PRSS21: variants seen among roughly 807,000 people sequenced by gnomAD.
The protein encoded by PRSS21 is serine protease 21, also known as testisin.
In PRSS21, 40 loss-of-function variants were observed where a neutral mutation model predicts 31.1. That is an observed-to-expected ratio of 1.29 (90% CI 1.00 to 1.68). The LOEUF (loss-of-function observed/expected upper bound fraction) is 1.68. Ranked by LOEUF, PRSS21 falls within the 40% of genes most tolerant of loss-of-function variation. The pLI is 0.00. For missense variants in PRSS21, 467 were observed against 412.6 expected, an observed-to-expected ratio of 1.13 and a Z score of -1.14; for synonymous variants, 186 against 167.7, an observed-to-expected ratio of 1.11 and a Z score of -0.84.
Position 2,817,270 on chromosome 16 carries a change from TG to T in PRSS21, c.5del (p.Gly2?). On this transcript the variant is annotated frameshift_variant and start_lost, in exon 1 of 6. Transcript: ENST00000005995. LOFTEE classifies it high-confidence loss of function. The surrounding 1 kb of genome is among the most constrained non-coding windows in gnomAD (Gnocchi z 4.2). Reference sequence around the variant, plus strand: ...CGTCAGGCCGCGGGAGAGGAGGCCATGGGCGCGCGCGGGGCGCTGCTGCTGG... The same window carrying T: ...CGTCAGGCCGCGGGAGAGGAGGCCATGGCGCGCGCGGGGCGCTGCTGCTGG... [M>X]GARGALLLAL... 1.3e-6 allele frequency: 2 copies of T among 1,531,152 alleles called. No individual in the cohort carries two copies. Among genetic ancestry groups the T allele is most frequent in the Non-Finnish European group, 1.7e-6 (2 of 1,143,100 alleles). 94.8% of individuals were successfully genotyped at this position (1,531,152 alleles called of 1,614,324 possible). A position where few individuals can be genotyped will look rare whatever the true frequency, so the allele number is the denominator to read the frequency against.
Position 2,821,637 on chromosome 16 carries a change from T to G in PRSS21, c.*32T>G, listed in dbSNP as rs2069181369. ...CTGAGCCCATGCAGCCTGGGGCCACTGCCAAGTCAGGCCCTGGTTCTCTTC... is the reference window on the plus strand; with the variant it reads ...CTGAGCCCATGCAGCCTGGGGCCACGGCCAAGTCAGGCCCTGGTTCTCTTC... On this transcript the variant is annotated 3_prime_UTR_variant, in exon 6 of 6. Coordinates refer to ENST00000005995, the MANE Select transcript of PRSS21 (RefSeq NM_006799.4). 1 of 1,596,752 alleles carries G rather than the reference T, an allele frequency of 6.3e-7. No individual in the cohort carries two copies. Among genetic ancestry groups the G allele is most frequent in the Non-Finnish European group, 8.5e-7 (1 of 1,170,774 alleles).
In PRSS21 at chr16:2,817,394, T is replaced by C. The variant is rs762068101; in HGVS notation, c.65-36T>C. On this transcript the variant is annotated intron_variant, in intron 1 of 5. Transcript: ENST00000005995. This position sits in a 1 kb window ranked among gnomAD's most constrained non-coding sequence, Gnocchi z 4.2. Reference sequence around the variant, plus strand: ...GGGGAGCGGTGGGGAGGACGGGAGGTGGAGGCCGCGGGGAGTCACTTCTTG... The same window carrying C: ...GGGGAGCGGTGGGGAGGACGGGAGGCGGAGGCCGCGGGGAGTCACTTCTTG... 3.8e-6 allele frequency: 6 copies of C among 1,577,068 alleles called. No homozygotes were observed. The highest frequency in any genetic ancestry group is 1.7e-5 in the Admixed American group (1 of 58,148).
intron 4 of PRSS21, among the ~76,000 whole-genome samples, chr16:2,820,353 G>A (rs775244865): frequency 2.7e-4 from 41 of 152,348 alleles, no homozygotes; most frequent in Non-Finnish European, 3.2e-4. Flanking sequence ...ACAAGGTGCT[G>A]GCTGGCACTC....
At chr16:2,819,023 C>A in intron 4 of PRSS21, 54 bp downstream of exon 4, 1 of 1,585,308 alleles carries the variant, frequency 6.3e-7, no homozygotes, top group Non-Finnish European at 8.6e-7. Flanking sequence ...CACCTGTTCC[C>A]CTGCATAGGC....
chr16:2,819,061 T>G, intron 4 of PRSS21, 92 bp downstream of exon 4: 1 of 1,390,248 alleles, frequency 7.2e-7, no homozygotes, highest in Non-Finnish European at 9.9e-7. Context: ...GGTCTGGGGG[T>G]GCAGGCTATG....
chr16:2,818,866 C>A lies in PRSS21; in HGVS notation c.447C>A (p.Tyr149Ter), dbSNP rs2069125242. The A allele has an allele frequency of 6.2e-7, 1 of 1,614,168 alleles. No individual in the cohort carries two copies. Among genetic ancestry groups the A allele is most frequent in the East Asian group, 2.2e-5 (1 of 44,894 alleles). ...TGAAGCTGTCTGCACCTGTCACCTA[C>A]ACTAAACACATCCAGCCCATCTGTC... The part of the protein sequence containing the change: ...ALVKLSAPVT[Y>*]TKHIQPICLQ... The change falls in exon 4 of 6, where the codon TAC becomes TAA. Residue 149 changes from tyrosine (Y) to a stop codon, truncating the protein, a stop_gained. Transcript: ENST00000005995. LOFTEE classifies it high-confidence loss of function.
intron 4 of PRSS21, among the ~76,000 whole-genome samples, chr16:2,819,202 G>A (rs941720043): frequency 6.6e-6 from 1 of 152,164 alleles, no homozygotes; most frequent in Non-Finnish European, 1.5e-5. Context: ...GCCTGTGGGT[G>A]GTGCGGTGGT....
Position 2,821,089 on chromosome 16 carries a change from G to C in PRSS21, c.685G>C (p.Gly229Arg), listed in dbSNP as rs1596316615. Residue 229 changes from glycine to arginine, a missense_variant, in exon 5 of 6, where the codon GGC becomes CGC. By Grantham distance (125) the Gly-to-Arg change is moderately radical. Transcript: ENST00000005995. ...CATGGTTTGTGCTGGCAATGCCCAA[G>C]GCGGGAAGGATGCCTGCTTCGTGAG... ...GDMVCAGNAQ[G>R]GKDACFGDSG... 9.3e-6 allele frequency: 15 copies of C among 1,614,130 alleles called. No homozygotes were observed. In the East Asian group the frequency reaches 3.3e-4, roughly 36 times the overall value.
intron 4 of PRSS21, among the ~76,000 whole-genome samples, chr16:2,819,377 T>G (rs1395190462): frequency 6.6e-6 from 1 of 152,300 alleles, no homozygotes; most frequent in South Asian, 2.1e-4. Flanking sequence ...CCTGCAGCAC[T>G]GAGCCCATTC....
Position 2,821,571 on chromosome 16 carries a change from T to C in PRSS21, c.911T>C (p.Leu304Pro), listed in dbSNP as rs1317022842. The C allele has an allele frequency of 1.2e-6, 2 of 1,613,920 alleles. No homozygotes were observed. Among genetic ancestry groups the C allele is most frequent in the South Asian group, 1.1e-5 (1 of 91,086 alleles). The change falls in exon 6 of 6, where the codon CTT becomes CCT. Residue 304 changes from leucine to proline, a missense_variant. Physicochemically the swap from Leu to Pro is moderately conservative, Grantham distance 98 (BLOSUM62 -3). Coordinates refer to ENST00000005995, the MANE Select transcript of PRSS21 (RefSeq NM_006799.4). Reference protein sequence around the residue: ...DPSWPLLFFPLLWALPLLGPV With the variant: ...DPSWPLLFFPPLWALPLLGPV ...TCCTGGCCGCTACTCTTTTTCCCTC[T>C]TCTCTGGGCTCTCCCACTCCTGGGG...
Position 2,817,525 on chromosome 16 carries a change from G to GCC in PRSS21, c.91+69_91+70insCC. 8.5e-7 allele frequency: 1 copy of GCC among 1,178,730 alleles called. No individual in the cohort carries two copies. The highest frequency in any genetic ancestry group is 1.1e-6 in the Non-Finnish European group (1 of 869,884). 73.0% of individuals were successfully genotyped at this position (1,178,730 alleles called of 1,614,324 possible). On this transcript the variant is annotated intron_variant, in intron 2 of 5. Coordinates refer to ENST00000005995, the MANE Select transcript of PRSS21 (RefSeq NM_006799.4). This position sits in a 1 kb window ranked among gnomAD's most constrained non-coding sequence, Gnocchi z 4.2. ...CGAGGTGGACGGGGGGCGGTGAGGG[G>GCC]GTAGAGGGGGGCCTTTACTGCTCTC...
intron 4 of PRSS21, among the ~76,000 whole-genome samples, chr16:2,819,824 G>A (rs2069140811): frequency 6.6e-6 from 1 of 152,208 alleles, no homozygotes; most frequent in Admixed American, 6.5e-5. Flanking sequence ...ACTAGTAAAT[G>A]GAGAAGTCAG....
Position 2,818,741 on chromosome 16 carries a change from T to C in PRSS21, c.322T>C (p.Ser108Pro), listed in dbSNP as rs960895210. 1.2e-6 allele frequency: 2 copies of C among 1,614,112 alleles called. No homozygotes were observed. The highest frequency in any genetic ancestry group is 1.7e-6 in the Non-Finnish European group (2 of 1,179,956). ...GTTTGGCCAGCTGACTTCCATGCCA[T>C]CCTTCTGGAGCCTGCAGGCCTACTA... ...VQFGQLTSMP[S>P]FWSLQAYYTR... The change falls in exon 4 of 6, where the codon TCC becomes CCC. Residue 108 changes from serine to proline, a missense_variant. Ser to Pro is a moderately conservative substitution (Grantham distance 74, BLOSUM62 -1). Transcript: ENST00000005995.
At chr16:2,818,616 T>C (rs753529395) in intron 3 of PRSS21, 61 bp from the exon 4 acceptor site, 107 of 1,526,384 alleles carry the variant, frequency 7.0e-5, no homozygotes, top group Non-Finnish European at 8.5e-5. Context: ...TGGACCCCAG[T>C]TGTGCTCAGG....
intron 4 of PRSS21, among the ~76,000 whole-genome samples, chr16:2,819,704 C>T (rs529742673): frequency 1.6e-3 from 237 of 152,346 alleles, no homozygotes; most frequent in African/African-American, 5.6e-3. Context: ...CAGCAGTGAG[C>T]CAGGCGCGGC....
chr16:2,821,072 G>A lies in PRSS21; in HGVS notation c.668G>A (p.Cys223Tyr), dbSNP rs1350160309. Residue 223 changes from cysteine (C) to tyrosine (Y), a missense_variant, in exon 5 of 6, where the codon TGT becomes TAT. Coordinates refer to ENST00000005995, the MANE Select transcript of PRSS21 (RefSeq NM_006799.4). ...FRKDIFGDMVCAGNAQGGKDA... is the reference protein window; with the variant it reads ...FRKDIFGDMVYAGNAQGGKDA... The stretch of plus-strand genomic sequence containing the variant: ...AAGGACATCTTTGGAGACATGGTTT[G>A]TGCTGGCAATGCCCAAGGCGGGAAG... The A allele has an allele frequency of 6.2e-7, 1 of 1,614,046 alleles. No homozygotes were observed. Among genetic ancestry groups the A allele is most frequent in the African/African-American group, 1.3e-5 (1 of 74,924 alleles).
rs1283874228 is a variant in PRSS21, at chr16:2,821,441, G to C, written c.781G>C (p.Gly261Arg). The change falls in exon 6 of 6, where the codon GGC (glycine) becomes CGC (arginine). Residue 261 changes from glycine to arginine, a missense_variant. Transcript: ENST00000005995. ...YQIGVVSWGVGCGRPNRPGVY... is the reference protein window; with the variant it reads ...YQIGVVSWGVRCGRPNRPGVY... ...GATTGGAGTCGTGAGCTGGGGAGTGGGCTGTGGTCGGCCCAATCGGCCCGG... is the reference window on the plus strand; with the variant it reads ...GATTGGAGTCGTGAGCTGGGGAGTGCGCTGTGGTCGGCCCAATCGGCCCGG... The C allele has an allele frequency of 1.2e-6, 2 of 1,614,074 alleles. No individual in the cohort carries two copies. The highest frequency in any genetic ancestry group is 1.7e-6 in the Non-Finnish European group (2 of 1,180,034).
In PRSS21 at chr16:2,817,501, G is replaced by A. The variant is rs773425507; in HGVS notation, c.91+45G>A. 32 of 1,506,690 alleles carry A rather than the reference G, an allele frequency of 2.1e-5. No homozygotes were observed. Among genetic ancestry groups the A allele is most frequent in the South Asian group, 3.7e-5 (3 of 82,172 alleles). The allele number at this position is 1,506,690 out of a possible 1,614,324, so 93.3% of individuals were successfully genotyped here. On this transcript the variant is annotated intron_variant, in intron 2 of 5. Transcript: ENST00000005995. The surrounding 1 kb of genome is among the most constrained non-coding windows in gnomAD (Gnocchi z 4.2). ...CGATTCCTGCCAGGGCCGTTGGGCC[G>A]AGGTGGACGGGGGGCGGTGAGGGGG... is the stretch of plus-strand genomic sequence containing the variant.
intron 4 of PRSS21, among the ~76,000 whole-genome samples, chr16:2,820,365 G>C (rs1005477675): frequency 1.5e-4 from 23 of 152,236 alleles, no homozygotes; most frequent in Non-Finnish European, 3.1e-4. Flanking sequence ...CTGGCACTCT[G>C]AGGCAGGAAT....
Sources: gnomAD v4.1 joint callset for allele counts (sites outside exome capture counted in the v4.1 genomes callset) on GRCh38, gnomAD v4.1.1 for gene constraint, Gnocchi (gnomAD v3.1) non-coding constraint, MANE v1.5 for transcripts, NCBI Gene and HGNC (gene_info 2026-07-23, HGNC 2026-07-21) for gene names.